Variants in NRXN1 observed in about 807,000 individuals in gnomAD.
The protein encoded by NRXN1 is neurexin 1.
Under a neutral mutation model 150.9 loss-of-function variants are expected in NRXN1, and 39 were observed. The observed-to-expected ratio is 0.26, with a 90% CI of 0.20 to 0.34. The LOEUF is 0.34. Ranked by LOEUF, NRXN1 falls within the 10% of genes least tolerant of loss-of-function variation. The probability of loss-of-function intolerance (pLI) is 1.00; values close to 1 mark genes in which losing one functional copy is unlikely to be tolerated. For missense variants in NRXN1, 1,815 were observed against 1,949.9 expected (o/e 0.93, Z 1.30); for synonymous variants, 924 against 757.0 (o/e 1.22, Z -3.62).
intron 2 of NRXN1, among the ~76,000 whole-genome samples, chr2:51,004,037 T>G (rs773843287): frequency 2.2e-4 from 33 of 151,302 alleles, no homozygotes; most frequent in Non-Finnish European, 4.7e-4. Context: ...TTTTTGTTAT[T>G]GTTGTTGTTG....
intron 17 of NRXN1, among the ~76,000 whole-genome samples, chr2:50,311,967 CA>C (rs1227477123): frequency 6.6e-6 from 1 of 152,034 alleles, no homozygotes; most frequent in East Asian, 1.9e-4. Flanking sequence ...CTATGGTAGA[CA>C]CTGGGGAATG....
intron 22 of NRXN1, among the ~76,000 whole-genome samples, chr2:49,937,846 C>T (rs963019420): frequency 2.0e-5 from 3 of 149,978 alleles, no homozygotes; most frequent in African/African-American, 7.4e-5. Flanking sequence ...AAATTATTTT[C>T]TAATCAAGCT....
intron 21 of NRXN1, among the ~76,000 whole-genome samples, chr2:50,039,599 T>C (rs553000708): frequency 4.1e-4 from 62 of 152,292 alleles, no homozygotes; most frequent in African/African-American, 1.5e-3. Flanking sequence ...TAGCTCTCCA[T>C]ACTCTGTTTA....
intron 18 of NRXN1, among the ~76,000 whole-genome samples, chr2:50,098,576 T>G (rs571181180): frequency 5.3e-5 from 8 of 152,146 alleles, no homozygotes; most frequent in Non-Finnish European, 8.8e-5. Flanking sequence ...ATACAATGTA[T>G]CTCATCTAAA....
chr2:50,368,729 A>C (rs1296589019), intron 17 of NRXN1, among the ~76,000 whole-genome samples: 1 of 151,940 alleles, frequency 6.6e-6, no homozygotes, highest in African/African-American at 2.4e-5. Flanking sequence ...CTAATTTTTT[A>C]TTGGCCTTGA....
chr2:50,834,567 A>T (rs1047792034), intron 5 of NRXN1, among the ~76,000 whole-genome samples: 3 of 152,200 alleles, frequency 2.0e-5, no homozygotes, highest in African/African-American at 7.2e-5. Context: ...AATTGAGATA[A>T]GAATAATTGG....
At chr2:50,620,303 C>A (rs1679782959) in intron 7 of NRXN1, 120 bp from the exon 8 acceptor site, 1 of 1,161,766 alleles carries the variant, frequency 8.6e-7, no homozygotes, top group East Asian at 2.6e-5. Flanking sequence ...TTGCTTTTTT[C>A]TTTTTTTCTG....
chr2:50,490,823 C>T (rs992486424), intron 15 of NRXN1, among the ~76,000 whole-genome samples: 1 of 152,132 alleles, frequency 6.6e-6, no homozygotes, highest in African/African-American at 2.4e-5. Flanking sequence ...GAACAAAGTT[C>T]TTATACTCTG....
intron 12 of NRXN1, among the ~76,000 whole-genome samples, chr2:50,508,545 T>C (rs1186525868): frequency 6.6e-6 from 1 of 152,200 alleles, no homozygotes; most frequent in Non-Finnish European, 1.5e-5. Context: ...CATATCATTT[T>C]AGAGCTATTT....
chr2:50,934,805 T>G (rs1688279156), intron 2 of NRXN1, among the ~76,000 whole-genome samples: 1 of 152,236 alleles, frequency 6.6e-6, no homozygotes, highest in Non-Finnish European at 1.5e-5. Flanking sequence ...ATATTTCCAC[T>G]TAACCTTAAA....
At chr2:50,450,412 C>T (rs1013888377) in intron 17 of NRXN1, among the ~76,000 whole-genome samples, 2 of 148,570 alleles carry the variant, frequency 1.3e-5, no homozygotes, top group Non-Finnish European at 3.0e-5. Flanking sequence ...GTTGGAAGCA[C>T]TTGTGATAGG....
At position 51,028,262 on chromosome 2, in the gene NRXN1, C is replaced by T. The variant is rs778852161; in HGVS notation, c.12G>A (p.Ala4=). The change falls in exon 2 of 23, where the codon GCG becomes GCA. Residue 4 remains alanine (A), a synonymous_variant. Transcript: ENST00000401669. MGT[A]LLQRGGCFLL... ...GAAAACAGCCCCCGCGCTGGAGCAG[C>T]GCCGTCCCCATGCTCGGGGCTGGGG... The T allele has an allele frequency of 4.8e-6, 7 of 1,450,330 alleles. No homozygotes were observed. The highest frequency in any genetic ancestry group is 2.4e-5 in the East Asian group (1 of 40,900). The allele number at this position is 1,450,330 out of a possible 1,614,324, so 89.8% of individuals were successfully genotyped here.
intron 18 of NRXN1, among the ~76,000 whole-genome samples, chr2:50,093,255 G>C (rs1337046311): frequency 2.6e-5 from 4 of 151,888 alleles, no homozygotes; most frequent in African/African-American, 9.7e-5. Context: ...TAAAAGTAAG[G>C]GTCATGAGAA....
intron 17 of NRXN1, among the ~76,000 whole-genome samples, chr2:50,267,069 C>T (rs980017055): frequency 6.6e-6 from 1 of 152,132 alleles, no homozygotes; most frequent in Non-Finnish European, 1.5e-5. Flanking sequence ...TACTGTGATT[C>T]TGTTTTTCTG....
chr2:50,571,705 G>A (rs185510091), intron 8 of NRXN1, among the ~76,000 whole-genome samples: 21 of 152,188 alleles, frequency 1.4e-4, no homozygotes, highest in African/African-American at 4.8e-4. Context: ...TAGATGGGAG[G>A]TGCCTAGGAA....
intron 18 of NRXN1, among the ~76,000 whole-genome samples, chr2:50,216,470 G>A (rs1163386209): frequency 6.6e-6 from 1 of 151,878 alleles, no homozygotes; most frequent in Non-Finnish European, 1.5e-5. Context: ...TTACCAATCG[G>A]ATTTTGAAAA....
At chr2:50,883,927 A>C (rs1163280099) in intron 5 of NRXN1, among the ~76,000 whole-genome samples, 2 of 151,804 alleles carry the variant, frequency 1.3e-5, no homozygotes, top group African/African-American at 4.8e-5. Context: ...AGTGTGTAAC[A>C]GCCAGGAAGG....
intron 17 of NRXN1, among the ~76,000 whole-genome samples, chr2:50,393,811 G>GAAAA (rs933586854): frequency 2.6e-5 from 4 of 151,966 alleles, no homozygotes; most frequent in Non-Finnish European, 5.9e-5. Flanking sequence ...CAGGAAAAAA[G>GAAAA]AAAATAAGAG....
chr2:50,895,064 T>C (rs1681711997), intron 5 of NRXN1, among the ~76,000 whole-genome samples: 1 of 152,152 alleles, frequency 6.6e-6, no homozygotes, highest in South Asian at 2.1e-4. Context: ...TTGAGTTGGG[T>C]TCCCACTACA....
Sources: allele counts gnomAD v4.1 joint callset (sites outside exome capture counted in the v4.1 genomes callset), GRCh38; gene constraint gnomAD v4.1.1; transcripts MANE v1.5; gene names NCBI Gene and HGNC (gene_info 2026-07-23, HGNC 2026-07-21).